CERS6: variants seen among roughly 807,000 people sequenced by gnomAD.
CERS6 encodes the protein ceramide synthase 6, also known as LAG1 homolog, ceramide synthase 6.
Under a neutral mutation model 56.8 loss-of-function variants are expected in CERS6, and 26 were observed. The observed-to-expected ratio is 0.46, with a 90% CI of 0.34 to 0.63. CERS6 has a LOEUF of 0.63. CERS6 is among the 30% of genes least tolerant of loss of function. CERS6 has a pLI of 0.01. For synonymous variants in CERS6, 164 were observed against 173.3 expected (o/e 0.95, Z 0.42); for missense variants, 415 against 467.5 (o/e 0.89, Z 1.04).
At chr2:168,569,579 C>T (rs1695944959) in intron 3 of CERS6, among the ~76,000 whole-genome samples, 1 of 152,244 alleles carries the variant, frequency 6.6e-6, no homozygotes, top group African/African-American at 2.4e-5. Flanking sequence ...TTCAGTTCAG[C>T]CTGGTTCAGT....
chr2:168,577,760 A>C (rs983375648), intron 3 of CERS6, among the ~76,000 whole-genome samples: 3 of 152,168 alleles, frequency 2.0e-5, no homozygotes, highest in Non-Finnish European at 4.4e-5. Flanking sequence ...ATCCCAGTGA[A>C]ATAGGAAATG....
At chr2:168,657,180 T>C (rs1419636887) in intron 4 of CERS6, among the ~76,000 whole-genome samples, 1 of 152,188 alleles carries the variant, frequency 6.6e-6, no homozygotes, top group South Asian at 2.1e-4. Context: ...AGGGTGCTGA[T>C]TGGTGTATTT....
At chr2:168,634,575 G>A (rs897416135) in intron 4 of CERS6, among the ~76,000 whole-genome samples, 1 of 152,040 alleles carries the variant, frequency 6.6e-6, no homozygotes, top group African/African-American at 2.4e-5. Context: ...ACCATGACAG[G>A]CTAATTTTTA....
At chr2:168,506,105 A>G (rs572620870) in intron 1 of CERS6, among the ~76,000 whole-genome samples, 90 of 152,324 alleles carry the variant, frequency 5.9e-4, no homozygotes, top group Middle Eastern at 3.4e-3. Context: ...ATGCCAATTC[A>G]TGCGGCCTTC....
chr2:168,698,255 G>GAAAAAAAAAAAAAAAAAAAAA (rs869056813), intron 6 of CERS6, among the ~76,000 whole-genome samples: 3 of 17,890 alleles, frequency 1.7e-4, no homozygotes, highest in African/African-American at 1.7e-4. Context: ...AAAAAAAAAA[G>GAAAAAAAAAAAAAAAAAAAAA]AAAAAAAAAA....
intron 1 of CERS6, among the ~76,000 whole-genome samples, chr2:168,477,645 G>T (rs925251185): frequency 2.0e-5 from 3 of 152,098 alleles, no homozygotes; most frequent in African/African-American, 7.2e-5. Context: ...CTTTCCATGT[G>T]AATTACCTTA....
At chr2:168,743,650 T>C (rs1683995936) in intron 8 of CERS6, among the ~76,000 whole-genome samples, 1 of 152,238 alleles carries the variant, frequency 6.6e-6, no homozygotes, top group Admixed American at 6.5e-5. Flanking sequence ...ATGCTACATC[T>C]TAGGAAACTT....
At chr2:168,494,331 G>T (rs1694425664) in intron 1 of CERS6, among the ~76,000 whole-genome samples, 1 of 152,178 alleles carries the variant, frequency 6.6e-6, no homozygotes, top group South Asian at 2.1e-4. Flanking sequence ...TCTGGACTCA[G>T]ACTGCCTCAG....
intron 3 of CERS6, among the ~76,000 whole-genome samples, chr2:168,588,745 A>G (rs1683604901): frequency 1.3e-5 from 2 of 152,058 alleles, no homozygotes; most frequent in African/African-American, 2.4e-5. Flanking sequence ...CCCTGCTTTC[A>G]GTTCTTTTGT....
At chr2:168,726,012 T>TCC (rs1683340710) in intron 8 of CERS6, among the ~76,000 whole-genome samples, 1 of 152,316 alleles carries the variant, frequency 6.6e-6, no homozygotes, top group East Asian at 1.9e-4. Context: ...CCTAACAATT[T>TCC]CCCGTAAAAG....
In CERS6 at chr2:168,644,508, G is replaced by A. The variant is rs528460838; in HGVS notation, c.465+13466G>A. The stretch of plus-strand genomic sequence containing the variant: ...GCTGGAGAAAGGAAAGCTGGTCACA[G>A]TGTGCAGAATGAATTAAAATTCACA... On this transcript the variant is annotated intron_variant, in intron 4 of 9. Coordinates refer to ENST00000305747, the MANE Select transcript of CERS6 (RefSeq NM_203463.3). Among the ~76,000 whole-genome samples, 12 of 152,302 alleles carry A rather than the reference G, an allele frequency of 7.9e-5. No individual in the cohort carries two copies. The East Asian group carries it at 2.1e-3, about 27-fold the overall frequency.
intron 8 of CERS6, among the ~76,000 whole-genome samples, chr2:168,739,038 G>T: frequency 6.9e-6 from 1 of 145,564 alleles, no homozygotes. Flanking sequence ...GGCACATGCT[G>T]CCACACCCGG....
chr2:168,710,570 A>T (rs1687064922), intron 6 of CERS6, among the ~76,000 whole-genome samples: 1 of 152,210 alleles, frequency 6.6e-6, no homozygotes, highest in Admixed American at 6.5e-5. Flanking sequence ...GTTTTGAAGT[A>T]GTTATTATCT....
At chr2:168,615,553 G>T in intron 3 of CERS6, among the ~76,000 whole-genome samples, 1 of 152,112 alleles carries the variant, frequency 6.6e-6, no homozygotes, top group Non-Finnish European at 1.5e-5. Context: ...AATACTGGAT[G>T]CACGAAAGAA....
chr2:168,756,960 C>G (rs907687524), intron 8 of CERS6, among the ~76,000 whole-genome samples: 1 of 152,134 alleles, frequency 6.6e-6, no homozygotes, highest in East Asian at 1.9e-4. Context: ...AGTTAACATA[C>G]AAAACCTAAG....
At chr2:168,522,955 T>G (rs1156421003) in intron 1 of CERS6, among the ~76,000 whole-genome samples, 1 of 152,242 alleles carries the variant, frequency 6.6e-6, no homozygotes, top group Non-Finnish European at 1.5e-5. Flanking sequence ...GATAGTTATA[T>G]CTGAATAAAT....
rs150724635 is a variant in CERS6 at position 168,520,598 on chromosome 2, C to CTTTTTTTTTT, written c.171-26978_171-26969dup. ...TTAACTCTTTAACATTTACAATATC[C>CTTTTTTTTTT]TTTTTTTTTTTTTTTTTTTTTTTTT... On this transcript the variant is annotated intron_variant, in intron 1 of 9. Transcript: ENST00000305747. Among the ~76,000 whole-genome samples the CTTTTTTTTTT allele has an allele frequency of 2.9e-3, 170 of 57,904 alleles. 25 individuals are homozygous for CTTTTTTTTTT. Among genetic ancestry groups the CTTTTTTTTTT allele is most frequent in the Middle Eastern group, 0.037 (2 of 54 alleles). 38.0% of individuals were successfully genotyped at this position (57,904 alleles called of 152,430 possible).
At chr2:168,664,247 C>A (rs1024618959) in intron 4 of CERS6, among the ~76,000 whole-genome samples, 2 of 152,176 alleles carry the variant, frequency 1.3e-5, no homozygotes, top group African/African-American at 4.8e-5. Context: ...TGGGTAGTCT[C>A]CTCAGAGGCA....
chr2:168,724,783 G>A (rs188924392), intron 8 of CERS6, among the ~76,000 whole-genome samples: 1 of 152,232 alleles, frequency 6.6e-6, no homozygotes, highest in Non-Finnish European at 1.5e-5. Flanking sequence ...CCCTGAGCTA[G>A]ACATAAAGGT....
Sources: allele counts gnomAD v4.1 joint callset (sites outside exome capture counted in the v4.1 genomes callset), GRCh38; gene constraint gnomAD v4.1.1; transcripts MANE v1.5; gene names NCBI Gene and HGNC (gene_info 2026-07-23, HGNC 2026-07-21).